Variants in ATF7 observed in about 807,000 individuals in gnomAD.
ATF7 encodes the protein cyclic AMP-dependent transcription factor ATF-7.
ATF7 carries 10 observed loss-of-function variants against 50.4 expected under a neutral mutation model. The observed-to-expected ratio is 0.20, with a 90% CI of 0.12 to 0.34. The LOEUF (loss-of-function observed/expected upper bound fraction) is 0.34. Ranked by LOEUF, ATF7 falls within the 10% of genes least tolerant of loss-of-function variation. The pLI is 1.00. For missense variants in ATF7, 465 were observed against 613.9 expected (o/e 0.76, Z 2.56); for synonymous variants, 201 against 226.4 (o/e 0.89, Z 1.01).
intron 2 of ATF7, among the ~76,000 whole-genome samples, chr12:53,587,058 G>C (rs1171219461): frequency 6.6e-6 from 1 of 152,158 alleles, no homozygotes; most frequent in East Asian, 1.9e-4. Context: ...GATATACAAT[G>C]AATCATCAGA....
At chr12:53,611,170 T>C (rs1267510007) in intron 1 of ATF7, among the ~76,000 whole-genome samples, 1 of 152,182 alleles carries the variant, frequency 6.6e-6, no homozygotes, top group Admixed American at 6.5e-5. Context: ...ATTGTAATTA[T>C]TTTAAAATTC....
At chr12:53,508,881 T>C (rs1315997359), downstream of ATF7, among the ~76,000 whole-genome samples, 1 of 152,162 alleles carries the variant, frequency 6.6e-6, no homozygotes, top group Non-Finnish European at 1.5e-5. Flanking sequence ...CAGGCTACTG[T>C]GGGGCTGGAC....
intron 4 of ATF7, among the ~76,000 whole-genome samples, chr12:53,539,729 TG>T (rs912154734): frequency 4.0e-5 from 5 of 124,032 alleles, no homozygotes; most frequent in African/African-American, 6.2e-5. Context: ...AATGAATGAA[TG>T]AAAAAAAATG....
At chr12:53,578,815 C>T (rs936878729) in intron 2 of ATF7, among the ~76,000 whole-genome samples, 1 of 151,048 alleles carries the variant, frequency 6.6e-6, no homozygotes, top group Non-Finnish European at 1.5e-5. Flanking sequence ...ATCTGGGATT[C>T]GAATCAGCCC....
chr12:53,619,143 G>T (rs1180511946), intron 1 of ATF7, among the ~76,000 whole-genome samples: 1 of 152,066 alleles, frequency 6.6e-6, no homozygotes, highest in Non-Finnish European at 1.5e-5. Context: ...TTTTCAGAGA[G>T]TAGTTTAATT....
chr12:53,526,541 T>G (rs896974493), intron 9 of ATF7, among the ~76,000 whole-genome samples: 4 of 152,226 alleles, frequency 2.6e-5, no homozygotes, highest in Non-Finnish European at 4.4e-5. Flanking sequence ...GGATGGCTTC[T>G]GGTCATCCTA....
chr12:53,591,189 A>C (rs922262643), intron 2 of ATF7, among the ~76,000 whole-genome samples: 2 of 152,200 alleles, frequency 1.3e-5, no homozygotes, highest in Admixed American at 6.5e-5. Context: ...TGCTCTAAAA[A>C]ATAAAGTCTA....
intron 2 of ATF7, among the ~76,000 whole-genome samples, chr12:53,568,344 G>A (rs1358392832): frequency 2.0e-5 from 3 of 151,432 alleles, no homozygotes; most frequent in South Asian, 4.2e-4. Flanking sequence ...ACATGCACTC[G>A]TCTCTAAAAC....
At chr12:53,605,157 G>A (rs907523957) in intron 1 of ATF7, among the ~76,000 whole-genome samples, 6 of 152,150 alleles carry the variant, frequency 3.9e-5, no homozygotes, top group Non-Finnish European at 8.8e-5. Context: ...GGGAGGCGGA[G>A]GCAGGCAGAT....
chr12:53,610,081 TG>T (rs1943798456), intron 1 of ATF7, among the ~76,000 whole-genome samples: 1 of 151,960 alleles, frequency 6.6e-6, no homozygotes, highest in South Asian at 2.1e-4. Flanking sequence ...CCTCCCAAAG[TG>T]CTGGGATTAC....
At chr12:53,531,193 G>A (rs1385262917) in intron 9 of ATF7, among the ~76,000 whole-genome samples, 3 of 151,878 alleles carry the variant, frequency 2.0e-5, no homozygotes, top group Admixed American at 2.0e-4. Context: ...GGCCGAGATG[G>A]GTGGATCACC....
chr12:53,617,644 A>C (rs781612061), intron 1 of ATF7, among the ~76,000 whole-genome samples: 1 of 152,084 alleles, frequency 6.6e-6, no homozygotes, highest in Non-Finnish European at 1.5e-5. Flanking sequence ...AAATTTTTTT[A>C]AATAATAATA....
At chr12:53,596,264 C>T (rs1165429073) in intron 2 of ATF7, among the ~76,000 whole-genome samples, 1 of 152,192 alleles carries the variant, frequency 6.6e-6, no homozygotes, top group Non-Finnish European at 1.5e-5. Context: ...CGCGCCACTG[C>T]ACTCTAGCCT....
At position 53,528,032 on chromosome 12, in the gene ATF7, A is replaced by G. The variant is rs188795518; in HGVS notation, c.928-3271T>C. 7.2e-4 allele frequency among the ~76,000 whole-genome samples: 110 copies of G among 151,826 alleles called. 1 individual carries two copies. Among genetic ancestry groups the G allele is most frequent in the African/African-American group, 2.5e-3 (102 of 41,458 alleles). ...AATTTTTTATATTTTTAGTAGAGAC[A>G]GGGTTTCACCGTGTTAGCCAGGATG... On this transcript the variant is annotated intron_variant, in intron 9 of 11. Transcript: ENST00000420353.
At chr12:53,589,527 T>C (rs1330912684) in intron 2 of ATF7, among the ~76,000 whole-genome samples, 1 of 152,190 alleles carries the variant, frequency 6.6e-6, no homozygotes, top group Non-Finnish European at 1.5e-5. Context: ...ACATGACCTG[T>C]TAATATGCAC....
chr12:53,519,834 C>A (rs1356997762), intron 11 of ATF7, among the ~76,000 whole-genome samples: 1 of 152,090 alleles, frequency 6.6e-6, no homozygotes, highest in Admixed American at 6.5e-5. Flanking sequence ...GCAATCTCTG[C>A]CTCCTGGGTT....
intron 3 of ATF7, among the ~76,000 whole-genome samples, chr12:53,549,053 A>G (rs1489252146): frequency 2.0e-5 from 3 of 151,978 alleles, no homozygotes; most frequent in Non-Finnish European, 4.4e-5. Flanking sequence ...TTGGGAGGCT[A>G]AGGCAGGCAG....
intron 11 of ATF7, among the ~76,000 whole-genome samples, chr12:53,521,666 T>G (rs1299695076): frequency 6.6e-6 from 1 of 152,230 alleles, no homozygotes; most frequent in African/African-American, 2.4e-5. Context: ...ACATTTACTG[T>G]TATCTAACAT....
intron 1 of ATF7, among the ~76,000 whole-genome samples, chr12:53,605,871 AT>A (rs1460626272): frequency 6.6e-6 from 1 of 152,200 alleles, no homozygotes; most frequent in African/African-American, 2.4e-5. Flanking sequence ...CTGATTTAAT[AT>A]TTAATAAATA....
Sources: gnomAD v4.1 joint callset for allele counts (sites outside exome capture counted in the v4.1 genomes callset) on GRCh38, gnomAD v4.1.1 for gene constraint, MANE v1.5 for transcripts, NCBI Gene and HGNC (gene_info 2026-07-23, HGNC 2026-07-21) for gene names.